CNTNAP4: variants seen among roughly 807,000 people sequenced by gnomAD.
CNTNAP4 encodes contactin-associated protein-like 4.
Under a neutral mutation model 148.4 loss-of-function variants are expected in CNTNAP4, and 98 were observed. The ratio of observed to expected loss-of-function variants is 0.66; its 90% CI spans 0.56 to 0.78. The LOEUF is 0.78. CNTNAP4 is among the 30% of genes least tolerant of loss of function. The probability of loss-of-function intolerance (pLI) is 0.00; values close to 1 mark genes in which losing one functional copy is unlikely to be tolerated. For missense variants in CNTNAP4, 1,935 were observed against 1,565.6 expected (o/e 1.24, Z -3.98); for synonymous variants, 730 against 565.1 (o/e 1.29, Z -4.14).
rs573204077 is a variant in CNTNAP4, at chr16:76,466,123, G to A, written c.1484-1229G>A. Among the ~76,000 whole-genome samples the A allele has an allele frequency of 8.5e-5, 13 of 152,162 alleles. No homozygotes were observed. The East Asian group carries it at 9.7e-4, about 11-fold the overall frequency. On this transcript the variant is annotated intron_variant, in intron 9 of 23. Coordinates refer to ENST00000611870, the MANE Select transcript of CNTNAP4 (RefSeq NM_033401.5). ...AATAATAACCACCCATCTAGTCTCC[G>A]TTCCGTGGGTTCAATTGTTTTGATT...
chr16:76,464,687 C>T (rs930726787), intron 9 of CNTNAP4, among the ~76,000 whole-genome samples: 1 of 152,190 alleles, frequency 6.6e-6, no homozygotes, highest in Admixed American at 6.5e-5. Context: ...TATACCTCCA[C>T]TCTTTACCAG....
chr16:76,353,712 C>T (rs1597292794), intron 2 of CNTNAP4, among the ~76,000 whole-genome samples: 1 of 152,216 alleles, frequency 6.6e-6, no homozygotes, highest in East Asian at 1.9e-4. Context: ...TTATGCTGTC[C>T]TCTGGTGCAT....
chr16:76,457,297 G>C (rs2080772676), intron 8 of CNTNAP4, among the ~76,000 whole-genome samples: 1 of 152,176 alleles, frequency 6.6e-6, no homozygotes, highest in Admixed American at 6.5e-5. Flanking sequence ...GGGACATTTT[G>C]TGATTTGAGT....
chr16:76,477,477 T>G (rs532373024), intron 11 of CNTNAP4, among the ~76,000 whole-genome samples: 1 of 152,108 alleles, frequency 6.6e-6, no homozygotes. Context: ...CTCCTGCCAG[T>G]GTTTGGAATC....
chr16:76,473,851 G>C (rs201032353), intron 10 of CNTNAP4, among the ~76,000 whole-genome samples: 1 of 120,350 alleles, frequency 8.3e-6, no homozygotes. Context: ...TTTTTTTTTT[G>C]TTTTGTTTTG....
chr16:76,464,093 TAGC>T (rs376560180), intron 9 of CNTNAP4, among the ~76,000 whole-genome samples: 47 of 152,294 alleles, frequency 3.1e-4, no homozygotes, highest in African/African-American at 7.7e-4. Context: ...AGCCGGATGA[TAGC>T]AGAAGACCTG....
chr16:76,529,843 CTGTGTGTGTG>C (rs35748962), intron 17 of CNTNAP4, among the ~76,000 whole-genome samples: 12 of 148,350 alleles, frequency 8.1e-5, no homozygotes, highest in African/African-American at 2.5e-4. Flanking sequence ...TGAATCTCAG[CTGTGTGTGTG>C]TGTGTGTGTG....
In CNTNAP4 at chr16:76,553,271, T is replaced by C. The variant is rs367574881; in HGVS notation, c.3443-12T>C. 3.3e-5 allele frequency: 51 copies of C among 1,548,600 alleles called. No homozygotes were observed. Among genetic ancestry groups the C allele is most frequent in the Non-Finnish European group, 4.2e-5 (47 of 1,129,378 alleles). ...TCACTACTAATATTTCGGTGTTTCT[T>C]TGAATTTCTAGAACACAGTGATGTG... is the stretch of plus-strand genomic sequence containing the variant. On this transcript the variant is annotated splice_polypyrimidine_tract_variant and intron_variant, in intron 21 of 23. Coordinates refer to ENST00000611870, the MANE Select transcript of CNTNAP4 (RefSeq NM_033401.5).
intron 2 of CNTNAP4, among the ~76,000 whole-genome samples, chr16:76,348,992 A>C (rs1005038845): frequency 1.3e-5 from 2 of 152,080 alleles, no homozygotes; most frequent in Non-Finnish European, 2.9e-5. Flanking sequence ...AGCAGGAGAG[A>C]GGAGAATTGC....
At chr16:76,399,177 A>T (rs1209507736) in intron 3 of CNTNAP4, among the ~76,000 whole-genome samples, 3 of 152,120 alleles carry the variant, frequency 2.0e-5, no homozygotes, top group Admixed American at 6.6e-5. Flanking sequence ...TTTATAAATT[A>T]CCCATTCTCT....
At chr16:76,404,469 A>T (rs2078532521) in intron 3 of CNTNAP4, among the ~76,000 whole-genome samples, 1 of 151,930 alleles carries the variant, frequency 6.6e-6, no homozygotes, top group Admixed American at 6.6e-5. Context: ...CAAAGAGGTC[A>T]ATATTGGGAC....
intron 4 of CNTNAP4, among the ~76,000 whole-genome samples, chr16:76,438,999 C>G (rs1597541890): frequency 6.6e-6 from 1 of 151,946 alleles, no homozygotes; most frequent in Non-Finnish European, 1.5e-5. Context: ...TTTAAATAGA[C>G]CAATTGTAAT....
At chr16:76,330,802 A>G (rs147212490) in intron 2 of CNTNAP4, among the ~76,000 whole-genome samples, 1 of 152,380 alleles carries the variant, frequency 6.6e-6, no homozygotes, top group East Asian at 1.9e-4. Flanking sequence ...ATAAGTGAAA[A>G]ACAGTAAGAA....
At chr16:76,406,653 C>T (rs1427028349) in intron 3 of CNTNAP4, among the ~76,000 whole-genome samples, 1 of 152,100 alleles carries the variant, frequency 6.6e-6, no homozygotes, top group Non-Finnish European at 1.5e-5. Flanking sequence ...TGAAATAACC[C>T]TATTGCTGAT....
intron 15 of CNTNAP4, among the ~76,000 whole-genome samples, chr16:76,500,835 T>C (rs2082609960): frequency 6.6e-6 from 1 of 151,940 alleles, no homozygotes. Flanking sequence ...CATTTATAGA[T>C]TGTTAACCTC....
At chr16:76,481,882 G>A (rs1207814852) in intron 12 of CNTNAP4, among the ~76,000 whole-genome samples, 2 of 152,134 alleles carry the variant, frequency 1.3e-5, no homozygotes, top group Non-Finnish European at 2.9e-5. Flanking sequence ...TAAGTGGGGC[G>A]TAGGAAGAGA....
At chr16:76,286,167 A>G (rs1958873212) in intron 1 of CNTNAP4, among the ~76,000 whole-genome samples, 2 of 141,358 alleles carry the variant, frequency 1.4e-5, no homozygotes, top group African/African-American at 5.3e-5. Context: ...GCTGAGATAG[A>G]ATTATCAGTG....
chr16:76,482,203 C>G (rs1194168519), intron 12 of CNTNAP4, among the ~76,000 whole-genome samples: 1 of 151,696 alleles, frequency 6.6e-6, no homozygotes, highest in Non-Finnish European at 1.5e-5. Flanking sequence ...ATTGGGAGAC[C>G]ATTTCAAGTA....
intron 23 of CNTNAP4, among the ~76,000 whole-genome samples, chr16:76,554,794 C>T (rs2085122002): frequency 6.6e-6 from 1 of 151,562 alleles, no homozygotes; most frequent in Admixed American, 6.6e-5. Flanking sequence ...TTGCAGGTGA[C>T]TTAGAGTTCT....
Sources: gnomAD v4.1 joint callset for allele counts (sites outside exome capture counted in the v4.1 genomes callset) on GRCh38, gnomAD v4.1.1 for gene constraint, MANE v1.5 for transcripts, NCBI Gene and HGNC (gene_info 2026-07-23, HGNC 2026-07-21) for gene names.